Variants in FHIT observed in about 807,000 individuals in gnomAD.
FHIT encodes bis(5'-adenosyl)-triphosphatase.
Under a neutral mutation model 17.9 loss-of-function variants are expected in FHIT, and 19 were observed. The ratio of observed to expected loss-of-function variants is 1.06; its 90% CI spans 0.74 to 1.56. FHIT has a LOEUF of 1.56. FHIT is among the 40% of genes most tolerant of loss of function. The pLI is 0.00. For missense variants in FHIT, 248 were observed against 189.2 expected (o/e 1.31, Z -1.82); for synonymous variants, 81 against 69.7 (o/e 1.16, Z -0.81).
chr3:59,920,330 T>C (rs909970395), intron 8 of FHIT, among the ~76,000 whole-genome samples: 2 of 152,362 alleles, frequency 1.3e-5, no homozygotes, highest in South Asian at 4.1e-4. Flanking sequence ...ATACTACATA[T>C]GACTTATACC....
intron 8 of FHIT, among the ~76,000 whole-genome samples, chr3:59,902,716 T>C (rs1274475292): frequency 2.6e-5 from 4 of 152,164 alleles, no homozygotes; most frequent in African/African-American, 9.7e-5. Flanking sequence ...TACTGCATGA[T>C]CTTACTTAGA....
rs143679756 is a variant in FHIT, at chr3:59,759,681, T to G, written c.349-7360A>C. Among the ~76,000 whole-genome samples the G allele has an allele frequency of 9.6e-4, 146 of 152,302 alleles. 1 individual carries two copies. Among genetic ancestry groups the G allele is most frequent in the African/African-American group, 3.1e-3 (130 of 41,570 alleles). Reference sequence around the variant, plus strand: ...AGTCATATTTCACGATTCTGGATGCTTTCATGCTTCTGGCACCTCCCTGGC... The same window carrying G: ...AGTCATATTTCACGATTCTGGATGCGTTCATGCTTCTGGCACCTCCCTGGC... On this transcript the variant is annotated intron_variant, in intron 8 of 9. Transcript: ENST00000492590.
intron 7 of FHIT, among the ~76,000 whole-genome samples, chr3:59,985,864 G>C (rs1419843378): frequency 6.6e-6 from 1 of 152,060 alleles, no homozygotes; most frequent in Admixed American, 6.6e-5. Context: ...TCCAGAACTG[G>C]GTACTGGAAA....
At chr3:61,066,213 A>C (rs1426132142) in intron 2 of FHIT, among the ~76,000 whole-genome samples, 1 of 152,192 alleles carries the variant, frequency 6.6e-6, no homozygotes, top group Non-Finnish European at 1.5e-5. Context: ...CCATGCCCTA[A>C]TCACCTCTTA....
At chr3:60,150,072 T>C (rs560442580) in intron 5 of FHIT, among the ~76,000 whole-genome samples, 1 of 136,646 alleles carries the variant, frequency 7.3e-6, no homozygotes, top group East Asian at 2.4e-4. Context: ...CTCAGCTCAC[T>C]GCAACCTCTG....
intron 4 of FHIT, among the ~76,000 whole-genome samples, chr3:60,811,920 C>A (rs1474236387): frequency 6.6e-6 from 1 of 152,108 alleles, no homozygotes; most frequent in African/African-American, 2.4e-5. Flanking sequence ...TTTTAAAAGT[C>A]TGAAATGTTG....
At chr3:59,989,803 G>A (rs1215707163) in intron 7 of FHIT, among the ~76,000 whole-genome samples, 3 of 151,936 alleles carry the variant, frequency 2.0e-5, no homozygotes, top group Admixed American at 2.0e-4. Flanking sequence ...GTGTTCATCT[G>A]CCCAGATTCC....
intron 5 of FHIT, among the ~76,000 whole-genome samples, chr3:60,200,515 G>C (rs1009804491): frequency 6.6e-6 from 1 of 151,890 alleles, no homozygotes; most frequent in African/African-American, 2.4e-5. Flanking sequence ...GTATAAAATG[G>C]GAAAAATTAA....
At chr3:60,469,515 T>C (rs376169623) in intron 5 of FHIT, among the ~76,000 whole-genome samples, 3 of 152,190 alleles carry the variant, frequency 2.0e-5, no homozygotes, top group African/African-American at 7.2e-5. Context: ...TATCTCCCTC[T>C]CTTCATTAGA....
chr3:60,373,963 C>T lies in FHIT; in HGVS notation c.103+162897G>A, dbSNP rs549622536. Among the ~76,000 whole-genome samples the T allele has an allele frequency of 9.2e-5, 14 of 152,210 alleles. 1 individual carries two copies. The highest frequency in any genetic ancestry group is 3.1e-4 in the African/African-American group (13 of 41,546). The stretch of plus-strand genomic sequence containing the variant: ...CAATTAAAACAAGCTACACAGAAGG[C>T]GGAATCTCTAGTATGTGGTGAATCT... On this transcript the variant is annotated intron_variant, in intron 5 of 9. Transcript: ENST00000492590.
intron 7 of FHIT, among the ~76,000 whole-genome samples, chr3:59,926,048 T>C (rs1003088439): frequency 3.9e-5 from 6 of 152,214 alleles, no homozygotes; most frequent in African/African-American, 1.2e-4. Flanking sequence ...CTTCCACAAA[T>C]TTGCTAGGGG....
intron 2 of FHIT, among the ~76,000 whole-genome samples, chr3:61,126,069 C>T (rs2036597056): frequency 6.6e-6 from 1 of 152,086 alleles, no homozygotes; most frequent in African/African-American, 2.4e-5. Context: ...GTTGGGACCT[C>T]TGTGGTCCAA....
intron 1 of FHIT, among the ~76,000 whole-genome samples, chr3:61,214,012 T>C (rs1400542283): frequency 6.6e-6 from 1 of 151,922 alleles, no homozygotes; most frequent in Non-Finnish European, 1.5e-5. Context: ...AAGCAGTGTA[T>C]AGAGGGAAAT....
At chr3:60,773,041 T>A (rs1360767846) in intron 4 of FHIT, among the ~76,000 whole-genome samples, 7 of 152,138 alleles carry the variant, frequency 4.6e-5, no homozygotes, top group Non-Finnish European at 1.0e-4. Context: ...AATAACTCCA[T>A]CTCCGGCATG....
At chr3:60,170,068 C>T (rs937217590) in intron 5 of FHIT, among the ~76,000 whole-genome samples, 3 of 152,224 alleles carry the variant, frequency 2.0e-5, no homozygotes, top group East Asian at 3.9e-4. Context: ...TTGGAGAAGG[C>T]GCCTTCTGGG....
At chr3:59,842,607 T>C (rs932235013) in intron 8 of FHIT, among the ~76,000 whole-genome samples, 2 of 152,172 alleles carry the variant, frequency 1.3e-5, no homozygotes, top group Non-Finnish European at 1.5e-5. Flanking sequence ...GCCAACTTAA[T>C]GGGTATGCAG....
chr3:60,223,175 C>T (rs893525448), intron 5 of FHIT, among the ~76,000 whole-genome samples: 1 of 152,136 alleles, frequency 6.6e-6, no homozygotes, highest in African/African-American at 2.4e-5. Flanking sequence ...TGCAGAGTCC[C>T]TGGAGGGCTC....
intron 3 of FHIT, among the ~76,000 whole-genome samples, chr3:61,016,258 G>A (rs1305485584): frequency 6.6e-6 from 1 of 152,200 alleles, no homozygotes; most frequent in African/African-American, 2.4e-5. Flanking sequence ...GGACAGTAAT[G>A]AGTGATGAAA....
chr3:60,218,674 TAC>T (rs1703811586), intron 5 of FHIT, among the ~76,000 whole-genome samples: 1 of 152,120 alleles, frequency 6.6e-6, no homozygotes, highest in African/African-American at 2.4e-5. Flanking sequence ...CAATACTAAT[TAC>T]AGTCATGATG....
Sources: gnomAD v4.1 joint callset for allele counts (sites outside exome capture counted in the v4.1 genomes callset) on GRCh38, gnomAD v4.1.1 for gene constraint, MANE v1.5 for transcripts, NCBI Gene and HGNC (gene_info 2026-07-23, HGNC 2026-07-21) for gene names.